XCR1: variants seen among roughly 807,000 people sequenced by gnomAD.
The protein encoded by XCR1 is X-C motif chemokine receptor 1.
For synonymous variants in XCR1, 187 were observed against 188.5 expected, an observed-to-expected ratio of 0.99 and a Z score of 0.06; for missense variants, 356 against 424.2, an observed-to-expected ratio of 0.84 and a Z score of 1.41.
chr3:46,021,686 T>A lies in XCR1; in HGVS notation c.262A>T (p.Ile88Phe). ...ACCCAGCCCCAGTGGTATGGGGAGA[T>A]CCACACAGGCAACAAGCAGGCGAAC... ...LVFACLLPVW[I>F]SPYHWGWVLG... is the part of the protein sequence containing the mutation. Residue 88 changes from isoleucine to phenylalanine, a missense_variant, in exon 2 of 2, where the codon ATC becomes TTC. Physicochemically the swap from Ile to Phe is conservative, Grantham distance 21 (BLOSUM62 0). Transcript: ENST00000309285. This position sits in a 1 kb window ranked among gnomAD's most constrained non-coding sequence, Gnocchi z 4.7. 1 of 1,613,808 alleles carries A rather than the reference T, an allele frequency of 6.2e-7. No homozygotes were observed. Among genetic ancestry groups the A allele is most frequent in the Non-Finnish European group, 8.5e-7 (1 of 1,179,964 alleles).
At chr3:46,022,170 G>A (rs538267127) in intron 1 of XCR1, 192 bp from the exon 2 acceptor site, 26 of 509,140 alleles carry the variant, frequency 5.1e-5, no homozygotes, top group Non-Finnish European at 7.2e-5. Flanking sequence ...GTGTGGTGGC[G>A]CATGCCTATA....
intron 5 of XCR1, among the ~76,000 whole-genome samples, chr3:46,048,692 TC>T (rs1336732358): frequency 6.6e-6 from 1 of 152,180 alleles, no homozygotes; most frequent in Non-Finnish European, 1.5e-5. Context: ...TTGTCCTTCT[TC>T]CAGGGATTTC....
At chr3:46,079,393 G>GT (rs1436621065) in intron 1 of XCR1, among the ~76,000 whole-genome samples, 3 of 152,096 alleles carry the variant, frequency 2.0e-5, no homozygotes, top group Non-Finnish European at 4.4e-5. Context: ...GGCACCTAGA[G>GT]TTTTTTTAAG....
intron 1 of XCR1, chr3:46,023,268 G>T (rs769176850): frequency 2.9e-6 from 2 of 687,066 alleles, no homozygotes; most frequent in East Asian, 2.6e-5. Context: ...TGGCCCCACC[G>T]CTCCCCTTCC....
chr3:46,042,609 C>A (rs1218201603), intron 5 of XCR1, among the ~76,000 whole-genome samples: 2 of 152,014 alleles, frequency 1.3e-5, no homozygotes, highest in African/African-American at 4.8e-5. Flanking sequence ...TGCAATCTAC[C>A]AAAACTGACT....
At chr3:46,048,042 C>T (rs2133662) in intron 5 of XCR1, among the ~76,000 whole-genome samples, 28,797 of 152,134 alleles carry the variant, frequency 0.19, 2,800 homozygotes, top group East Asian at 0.26. Context: ...ATGATTTTAC[C>T]ATAGTGACTC....
chr3:46,080,489 G>A (rs905518785), intron 1 of XCR1, among the ~76,000 whole-genome samples: 1 of 152,138 alleles, frequency 6.6e-6, no homozygotes, highest in Non-Finnish European at 1.5e-5. Context: ...TTGAACTAGG[G>A]AGGCGGAGGT....
chr3:46,054,649 T>A (rs1342452771), intron 4 of XCR1, among the ~76,000 whole-genome samples: 1 of 151,662 alleles, frequency 6.6e-6, no homozygotes, highest in Non-Finnish European at 1.5e-5. Flanking sequence ...AGATGACGAG[T>A]ATTACCAAGG....
chr3:46,029,984 C>A (rs901640547), upstream of XCR1, among the ~76,000 whole-genome samples: 3 of 151,816 alleles, frequency 2.0e-5, no homozygotes, highest in Admixed American at 6.6e-5. Context: ...TATAAAAATA[C>A]AACTGATTTT....
At chr3:46,052,352 G>A (rs114894166) in intron 5 of XCR1, among the ~76,000 whole-genome samples, 10,407 of 152,180 alleles carry the variant, frequency 0.068, 461 homozygotes, top group Non-Finnish European at 0.099. Flanking sequence ...TGTGGGGCCC[G>A]GGTCCAGGCC....
chr3:46,025,233 A>G (rs1708261704), intron 1 of XCR1, among the ~76,000 whole-genome samples: 1 of 151,892 alleles, frequency 6.6e-6, no homozygotes, highest in Non-Finnish European at 1.5e-5. Flanking sequence ...TTGTTTGACA[A>G]CATTTTAATA....
chr3:46,070,827 G>A (rs1459815653), intron 3 of XCR1, among the ~76,000 whole-genome samples: 1 of 151,642 alleles, frequency 6.6e-6, no homozygotes, highest in Non-Finnish European at 1.5e-5. Flanking sequence ...TTATCTAGTT[G>A]TTTTATCAAT....
At chr3:46,052,444 T>C (rs188897574) in intron 5 of XCR1, among the ~76,000 whole-genome samples, 4 of 152,330 alleles carry the variant, frequency 2.6e-5, no homozygotes, top group African/African-American at 9.6e-5. Context: ...TCCTTTGTTA[T>C]AGGGAGGACA....
intron 5 of XCR1, among the ~76,000 whole-genome samples, chr3:46,049,497 A>G (rs940132489): frequency 6.6e-6 from 1 of 152,226 alleles, no homozygotes; most frequent in African/African-American, 2.4e-5. Context: ...TTGAAGTCTT[A>G]AAAATAAGCA....
At chr3:46,031,733 T>C (rs1320602793), upstream of XCR1, among the ~76,000 whole-genome samples, 2 of 152,224 alleles carry the variant, frequency 1.3e-5, no homozygotes, top group East Asian at 3.9e-4. Flanking sequence ...TTCCTTGTTC[T>C]GGCCCATGGC....
chr3:46,051,035 G>A (rs1697735013), intron 5 of XCR1, among the ~76,000 whole-genome samples: 1 of 152,114 alleles, frequency 6.6e-6, no homozygotes, highest in African/African-American at 2.4e-5. Context: ...TGTGTTAGGG[G>A]TCATTGATCC....
intron 5 of XCR1, among the ~76,000 whole-genome samples, chr3:46,049,534 G>T (rs914439196): frequency 2.6e-5 from 4 of 152,170 alleles, no homozygotes; most frequent in East Asian, 1.9e-4. Context: ...ATTTTTAATT[G>T]TAGCAGTTTC....
At chr3:46,034,865 A>G (rs1017163974) in intron 5 of XCR1, among the ~76,000 whole-genome samples, 1 of 152,164 alleles carries the variant, frequency 6.6e-6, no homozygotes. Flanking sequence ...AAAATTATCA[A>G]CCACCAGAAA....
intron 2 of XCR1, among the ~76,000 whole-genome samples, chr3:46,076,368 C>T (rs1239207456): frequency 2.0e-5 from 3 of 152,058 alleles, no homozygotes; most frequent in Admixed American, 6.6e-5. Context: ...AAATCTGGGC[C>T]GTTCCTACTT....
Sources: allele counts gnomAD v4.1 joint callset (sites outside exome capture counted in the v4.1 genomes callset), GRCh38; gene constraint gnomAD v4.1.1; non-coding constraint Gnocchi (gnomAD v3.1); transcripts MANE v1.5; gene names NCBI Gene and HGNC (gene_info 2026-07-23, HGNC 2026-07-21).